Variants in KLHL3 observed in about 807,000 individuals in gnomAD.
The protein encoded by KLHL3 is kelch like family member 3, also known as kelch-like protein 3.
In KLHL3, 19 loss-of-function variants were observed where a neutral mutation model predicts 70.5. That is an observed-to-expected ratio of 0.27 (90% CI 0.19 to 0.40). KLHL3 has a LOEUF of 0.40. Ranked by LOEUF, KLHL3 falls within the 10% of genes least tolerant of loss-of-function variation. KLHL3 has a pLI of 1.00. For synonymous variants in KLHL3, 258 were observed against 290.3 expected (o/e 0.89, Z 1.13); for missense variants, 512 against 771.1 (o/e 0.66, Z 3.98).
At chr5:137,668,255 C>G (rs779350679) in intron 6 of KLHL3, among the ~76,000 whole-genome samples, 5 of 152,086 alleles carry the variant, frequency 3.3e-5, no homozygotes, top group Non-Finnish European at 5.9e-5. Flanking sequence ...ACTAAAAACA[C>G]AAAAATTAGC....
At chr5:137,659,670 C>T (rs558897556) in intron 7 of KLHL3, among the ~76,000 whole-genome samples, 1 of 152,264 alleles carries the variant, frequency 6.6e-6, no homozygotes, top group South Asian at 2.1e-4. Flanking sequence ...ACTTACTCAG[C>T]TTGAATTAAA....
intron 1 of KLHL3, among the ~76,000 whole-genome samples, chr5:137,731,339 A>G (rs979101401): frequency 3.3e-5 from 5 of 152,210 alleles, no homozygotes; most frequent in Non-Finnish European, 7.3e-5. Context: ...CTTTTTACAG[A>G]ATTTTCTATC....
intron 12 of KLHL3, 173 bp from the exon 13 acceptor site, chr5:137,628,610 C>T (rs1750544717): frequency 1.6e-5 from 9 of 565,832 alleles, no homozygotes; most frequent in Non-Finnish European, 1.2e-5. Flanking sequence ...TGACACCCTA[C>T]CTGCCTCCTC....
At chr5:137,697,777 C>T (rs967553105) in intron 4 of KLHL3, among the ~76,000 whole-genome samples, 15 of 151,950 alleles carry the variant, frequency 9.9e-5, no homozygotes, top group Admixed American at 2.6e-4. Context: ...TTGTATTTTA[C>T]AGGAAAAAAA....
chr5:137,692,530 C>A (rs1236159749), intron 4 of KLHL3, 83 bp from the exon 5 acceptor site: 3 of 1,340,098 alleles, frequency 2.2e-6, no homozygotes, highest in Admixed American at 1.8e-5. Flanking sequence ...CACTCCCATG[C>A]TCAAGATCTT....
chr5:137,662,240 TAC>T lies in KLHL3; in HGVS notation c.637-211_637-210del, dbSNP rs138942924. ...TCAGAGAGTGATCACACACACACTC[TAC>T]ACACACACACACACACACACACACA... On this transcript the variant is annotated intron_variant, in intron 6 of 14. Transcript: ENST00000309755. 0.22 allele frequency among the ~76,000 whole-genome samples: 30,516 copies of T among 141,530 alleles called. 3,270 individuals carry two copies. The highest frequency in any genetic ancestry group is 0.25 in the Non-Finnish European group (16,274 of 64,642). The allele number at this position is 141,530 out of a possible 152,430, so 92.8% of individuals were successfully genotyped here.
chr5:137,637,480 CA>C, intron 10 of KLHL3, 85 bp from the exon 11 acceptor site: 3 of 1,182,522 alleles, frequency 2.5e-6, no homozygotes, highest in Non-Finnish European at 3.7e-6. Flanking sequence ...GGGAGGAGTC[CA>C]AATGCATGGG....
At position 137,633,468 on chromosome 5, in the gene KLHL3, T is replaced by A. The variant is rs367775049; in HGVS notation, c.1450+569A>T. On this transcript the variant is annotated intron_variant, in intron 12 of 14. Transcript: ENST00000309755. Reference sequence around the variant, plus strand: ...GACCCAGCAATCCCACTACTGGGTATCTATGCAAAGGAAAAGAAATCATTA... The same window carrying A: ...GACCCAGCAATCCCACTACTGGGTAACTATGCAAAGGAAAAGAAATCATTA... 9.9e-5 allele frequency among the ~76,000 whole-genome samples: 15 copies of A among 152,172 alleles called. No individual in the cohort carries two copies. The South Asian group carries it at 1.7e-3, about 17-fold the overall frequency.
chr5:137,630,715 T>C (rs1282433024), intron 12 of KLHL3, among the ~76,000 whole-genome samples: 1 of 152,162 alleles, frequency 6.6e-6, no homozygotes, highest in Non-Finnish European at 1.5e-5. Context: ...ACCCACTCAT[T>C]TCACATATAA....
At chr5:137,664,839 G>A (rs962787254) in intron 6 of KLHL3, among the ~76,000 whole-genome samples, 1 of 151,882 alleles carries the variant, frequency 6.6e-6, no homozygotes, top group Non-Finnish European at 1.5e-5. Context: ...TAATAATAAA[G>A]TTGTTGGATG....
At chr5:137,709,598 T>G in intron 3 of KLHL3, 152 bp downstream of exon 3, 1 of 646,066 alleles carries the variant, frequency 1.5e-6, no homozygotes, top group Non-Finnish European at 2.7e-6. Context: ...AAGTCCTCCA[T>G]GGCACAAAGC....
chr5:137,720,248 C>T (rs1445500446), intron 2 of KLHL3, among the ~76,000 whole-genome samples: 1 of 150,916 alleles, frequency 6.6e-6, no homozygotes, highest in Non-Finnish European at 1.5e-5. Context: ...TGCAGTGAGC[C>T]AAGATCATGC....
intron 2 of KLHL3, among the ~76,000 whole-genome samples, chr5:137,715,061 G>C (rs1029794532): frequency 6.6e-6 from 1 of 152,182 alleles, no homozygotes; most frequent in African/African-American, 2.4e-5. Flanking sequence ...AGCCCCATTT[G>C]CTTGCTGGAT....
intron 8 of KLHL3, among the ~76,000 whole-genome samples, chr5:137,654,464 T>A (rs2149893972): frequency 6.6e-6 from 1 of 152,314 alleles, no homozygotes; most frequent in Non-Finnish European, 1.5e-5. Context: ...AGGACAGACC[T>A]ATTGCTGTGA....
chr5:137,667,885 A>G (rs931258494), intron 6 of KLHL3, among the ~76,000 whole-genome samples: 1 of 152,212 alleles, frequency 6.6e-6, no homozygotes, highest in Non-Finnish European at 1.5e-5. Context: ...CAACAAGCAC[A>G]GTGCTAGGCA....
At chr5:137,734,024 A>G (rs1486287925) in intron 1 of KLHL3, among the ~76,000 whole-genome samples, 4 of 152,236 alleles carry the variant, frequency 2.6e-5, no homozygotes, top group Non-Finnish European at 5.9e-5. Flanking sequence ...CATAGACATC[A>G]GCCATCCCAG....
chr5:137,716,322 C>G (rs1752891938), intron 2 of KLHL3, among the ~76,000 whole-genome samples: 2 of 151,032 alleles, frequency 1.3e-5, no homozygotes, highest in South Asian at 4.2e-4. Flanking sequence ...CAGTCACAAA[C>G]TCCAATGCCC....
intron 3 of KLHL3, among the ~76,000 whole-genome samples, chr5:137,701,847 C>T (rs1273309379): frequency 6.6e-6 from 1 of 152,220 alleles, no homozygotes; most frequent in African/African-American, 2.4e-5. Flanking sequence ...GCTAGCTCTT[C>T]CCAAGAGGCC....
At chr5:137,697,979 G>C (rs1752484062) in intron 4 of KLHL3, among the ~76,000 whole-genome samples, 1 of 152,186 alleles carries the variant, frequency 6.6e-6, no homozygotes, top group African/African-American at 2.4e-5. Flanking sequence ...TAAGCTCCCA[G>C]CTTTTCCTTC....
Sources: gnomAD v4.1 joint callset for allele counts (sites outside exome capture counted in the v4.1 genomes callset) on GRCh38, gnomAD v4.1.1 for gene constraint, MANE v1.5 for transcripts, NCBI Gene and HGNC (gene_info 2026-07-23, HGNC 2026-07-21) for gene names.